The following CUX2 variants were observed in gnomAD, a reference collection of about 807,000 sequenced individuals.
CUX2 encodes the protein cut like homeobox 2.
In CUX2, 40 loss-of-function variants were observed where a neutral mutation model predicts 144.8. The ratio of observed to expected loss-of-function variants is 0.28; its 90% CI spans 0.21 to 0.36. The LOEUF is 0.36. Among genes scored for constraint, CUX2 ranks in the 10% least tolerant of loss-of-function variants. The pLI is 1.00. For synonymous variants in CUX2, 827 were observed against 875.6 expected, an observed-to-expected ratio of 0.94 and a Z score of 0.98; for missense variants, 1,615 against 1,994.0, an observed-to-expected ratio of 0.81 and a Z score of 3.62.
intron 3 of CUX2, among the ~76,000 whole-genome samples, chr12:111,259,031 C>CTATGTG (rs1351800495): frequency 3.2e-4 from 43 of 132,308 alleles, no homozygotes; most frequent in African/African-American, 1.2e-3. Flanking sequence ...CCACACCCAG[C>CTATGTG]TGTGTGTGTG....
At chr12:111,241,811 C>T (rs1250274314) in intron 3 of CUX2, among the ~76,000 whole-genome samples, 3 of 152,262 alleles carry the variant, frequency 2.0e-5, no homozygotes, top group Non-Finnish European at 2.9e-5. Context: ...CCCCTGACAG[C>T]GTGACACTTT....
intron 1 of CUX2, among the ~76,000 whole-genome samples, chr12:111,080,516 TAA>T (rs150815012): frequency 3.6e-5 from 5 of 140,588 alleles, no homozygotes; most frequent in Admixed American, 7.1e-5. Flanking sequence ...TCTGTCTCTC[TAA>T]AAAAAAAAAA....
intron 1 of CUX2, among the ~76,000 whole-genome samples, chr12:111,090,877 G>A (rs925632520): frequency 6.6e-6 from 1 of 151,818 alleles, no homozygotes; most frequent in South Asian, 2.1e-4. Context: ...TCTCATCTCA[G>A]GAGAGGCACT....
intron 1 of CUX2, among the ~76,000 whole-genome samples, chr12:111,048,400 A>G (rs1870100506): frequency 6.6e-6 from 1 of 152,132 alleles, no homozygotes; most frequent in South Asian, 2.1e-4. Flanking sequence ...GCATTGTGGG[A>G]GTGGAGAGAT....
At chr12:111,060,236 T>C (rs910984007) in intron 1 of CUX2, among the ~76,000 whole-genome samples, 2 of 152,202 alleles carry the variant, frequency 1.3e-5, no homozygotes, top group African/African-American at 4.8e-5. Context: ...ATGTCATCTC[T>C]TATAAACTTC....
chr12:111,342,907 C>T (rs958734382), intron 21 of CUX2, among the ~76,000 whole-genome samples: 5 of 141,982 alleles, frequency 3.5e-5, no homozygotes, highest in Middle Eastern at 7.7e-3. Flanking sequence ...TGCAGTGAGC[C>T]GAGATTGTGC....
At chr12:111,230,426 C>A (rs1338102999) in intron 3 of CUX2, among the ~76,000 whole-genome samples, 1 of 152,142 alleles carries the variant, frequency 6.6e-6, no homozygotes, top group African/African-American at 2.4e-5. Context: ...AGTGCAGTCT[C>A]CATCCCCCAC....
intron 1 of CUX2, among the ~76,000 whole-genome samples, chr12:111,151,783 G>A (rs1309820166): frequency 6.6e-6 from 1 of 151,948 alleles, no homozygotes; most frequent in Non-Finnish European, 1.5e-5. Context: ...GGCCAGGCTC[G>A]CTCCGGCCAT....
At chr12:111,347,426 A>G in intron 21 of CUX2, 98 bp from the exon 22 acceptor site, 1 of 1,141,734 alleles carries the variant, frequency 8.8e-7, no homozygotes, top group Non-Finnish European at 1.2e-6. Context: ...AGAGAGCCCC[A>G]GGGCAGTGGG....
At position 111,307,424 on chromosome 12, in the gene CUX2, C is replaced by T. The variant is rs778341521; in HGVS notation, c.1109+167C>T. ...CATCCTCAGGCCAGGTGCAGTGGCT[C>T]ATCCCTGTAATCCCAACACTTTGGG... On this transcript the variant is annotated intron_variant, in intron 12 of 21. Coordinates refer to ENST00000261726, the MANE Select transcript of CUX2 (RefSeq NM_015267.4). This position sits in a 1 kb window ranked among gnomAD's most constrained non-coding sequence, Gnocchi z 4.1. Among the ~76,000 whole-genome samples the T allele has an allele frequency of 6.6e-6, 1 of 152,226 alleles. No individual in the cohort carries two copies. Among genetic ancestry groups the T allele is most frequent in the Non-Finnish European group, 1.5e-5 (1 of 68,038 alleles).
chr12:111,139,984 G>C lies in CUX2; in HGVS notation c.64-74216G>C, dbSNP rs114388544. On this transcript the variant is annotated intron_variant, in intron 1 of 21. Coordinates refer to ENST00000261726, the MANE Select transcript of CUX2 (RefSeq NM_015267.4). ...CCCCCATCACCTGGTCTGTGAAATGGGGATATAAATGAGGGTGGTTAGGAG... is the reference window on the plus strand; with the variant it reads ...CCCCCATCACCTGGTCTGTGAAATGCGGATATAAATGAGGGTGGTTAGGAG... Among the ~76,000 whole-genome samples the C allele has an allele frequency of 2.6e-5, 4 of 152,278 alleles. No homozygotes were observed. In the East Asian group the frequency reaches 7.7e-4, roughly 29 times the overall value.
intron 1 of CUX2, among the ~76,000 whole-genome samples, chr12:111,097,991 T>A (rs1478062261): frequency 6.6e-6 from 1 of 152,190 alleles, no homozygotes; most frequent in Non-Finnish European, 1.5e-5. Context: ...AGTTTAGTTC[T>A]AAGAGCTACA....
chr12:111,208,276 G>T (rs948566087), intron 1 of CUX2, among the ~76,000 whole-genome samples: 5 of 152,118 alleles, frequency 3.3e-5, no homozygotes, highest in African/African-American at 1.2e-4. Context: ...TGTCCTTGGA[G>T]CTGAGAAGAT....
intron 1 of CUX2, among the ~76,000 whole-genome samples, chr12:111,074,101 G>A (rs1158619423): frequency 6.8e-6 from 1 of 147,934 alleles, no homozygotes; most frequent in Non-Finnish European, 1.5e-5. Flanking sequence ...TATCTGAAAT[G>A]AAATGTGTCT....
intron 1 of CUX2, among the ~76,000 whole-genome samples, chr12:111,095,887 A>C (rs1872785502): frequency 6.6e-6 from 1 of 152,176 alleles, no homozygotes; most frequent in Admixed American, 6.5e-5. Context: ...GGTGCCATGT[A>C]GGGTCCGGAA....
intron 8 of CUX2, among the ~76,000 whole-genome samples, chr12:111,297,001 C>T (rs1565899468): frequency 6.7e-6 from 1 of 149,226 alleles, no homozygotes; most frequent in African/African-American, 2.5e-5. Flanking sequence ...CCCTCTGGCC[C>T]TCTCAGGCCT....
At chr12:111,136,134 G>C in intron 1 of CUX2, among the ~76,000 whole-genome samples, 1 of 152,022 alleles carries the variant, frequency 6.6e-6, no homozygotes, top group East Asian at 1.9e-4. Context: ...ATAGGCCTAA[G>C]GGGTGTGGAT....
chr12:111,133,477 C>T (rs1875640421), intron 1 of CUX2, among the ~76,000 whole-genome samples: 2 of 152,114 alleles, frequency 1.3e-5, no homozygotes, highest in Admixed American at 1.3e-4. Context: ...AAAACGGAAA[C>T]CCCTGATAAA....
chr12:111,193,471 G>A (rs528275589), intron 1 of CUX2, among the ~76,000 whole-genome samples: 1 of 152,340 alleles, frequency 6.6e-6, no homozygotes, highest in East Asian at 1.9e-4. Flanking sequence ...CTGTTGGGGG[G>A]GAGAAAAGAA....
Sources: allele counts gnomAD v4.1 joint callset (sites outside exome capture counted in the v4.1 genomes callset), GRCh38; gene constraint gnomAD v4.1.1; non-coding constraint Gnocchi (gnomAD v3.1); transcripts MANE v1.5; gene names NCBI Gene and HGNC (gene_info 2026-07-23, HGNC 2026-07-21).